PHLDB1: variants seen among roughly 807,000 people sequenced by gnomAD.
PHLDB1 encodes the protein pleckstrin homology like domain family B member 1, also known as pleckstrin homology-like domain family B member 1.
In PHLDB1, 65 loss-of-function variants were observed where a neutral mutation model predicts 139.3. The ratio of observed to expected loss-of-function variants is 0.47; its 90% CI spans 0.38 to 0.57. PHLDB1 has a LOEUF of 0.57. Ranked by LOEUF, PHLDB1 falls within the 20% of genes least tolerant of loss-of-function variation. The pLI is 0.00. For synonymous variants in PHLDB1, 679 were observed against 734.5 expected, an observed-to-expected ratio of 0.92 and a Z score of 1.22; for missense variants, 1,624 against 1,839.7, an observed-to-expected ratio of 0.88 and a Z score of 2.14.
chr11:118,623,060 T>C (rs1943130042), intron 4 of PHLDB1, among the ~76,000 whole-genome samples: 1 of 152,196 alleles, frequency 6.6e-6, no homozygotes, highest in Admixed American at 6.5e-5. Flanking sequence ...CTCCTGAGCT[T>C]CTCAGTAAGG....
Position 118,624,959 on chromosome 11 carries a change from C to T in PHLDB1, c.381C>T (p.Ser127=). The T allele has an allele frequency of 6.2e-7, 1 of 1,614,056 alleles. No individual in the cohort carries two copies. Among genetic ancestry groups the T allele is most frequent in the Non-Finnish European group, 8.5e-7 (1 of 1,179,976 alleles). The change falls in exon 5 of 23, where the codon TCC becomes TCT. Residue 127 remains serine (S), a synonymous_variant. Transcript: ENST00000600882. ...GCTGCATGTTGTGCCTGGGTCAGTC[C>T]ACCTTCCTTCGCTTTAACCACCCGG... The part of the protein sequence containing the change: ...TQGCMLCLGQ[S]TFLRFNHPAE...
intron 4 of PHLDB1, among the ~76,000 whole-genome samples, chr11:118,619,723 C>T (rs1942378914): frequency 6.6e-6 from 1 of 152,106 alleles, no homozygotes; most frequent in Admixed American, 6.5e-5. Flanking sequence ...CTTCCTTTTT[C>T]CTCAGAAGGG....
intron 10 of PHLDB1, chr11:118,637,498 C>G (rs1945840480): frequency 6.6e-6 from 1 of 152,152 alleles, no homozygotes; most frequent in Non-Finnish European, 1.5e-5. Context: ...CCCCCCCAAC[C>G]CCACACCTGG....
In PHLDB1 at chr11:118,628,627, C is replaced by T. The variant is rs782388138; in HGVS notation, c.1804C>T (p.Arg602Trp). The stretch of plus-strand genomic sequence containing the variant: ...CCGGCGACAGCGCCAAGAGCGGCTC[C>T]GGGAGCAGGAGATGGAGAGGCTGGT... The part of the protein sequence containing the change: ...YHRRQRQERL[R>W]EQEMERLERQ... Residue 602 changes from arginine (R) to tryptophan (W), a missense_variant, in exon 6 of 23, where the codon CGG becomes TGG. Arg to Trp is a moderately radical substitution (Grantham distance 101, BLOSUM62 -3). Transcript: ENST00000600882. 1.4e-4 allele frequency: 223 copies of T among 1,608,816 alleles called. No homozygotes were observed. Among genetic ancestry groups the T allele is most frequent in the Non-Finnish European group, 1.8e-4 (217 of 1,178,606 alleles).
At chr11:118,646,219 C>T (rs1947496594) in intron 17 of PHLDB1, 1 of 144,582 alleles carries the variant, frequency 6.9e-6, no homozygotes, top group African/African-American at 2.7e-5. Flanking sequence ...GAGATCGCAC[C>T]ACTGCACTCC....
chr11:118,644,441 C>T (rs965460820), intron 15 of PHLDB1: 12 of 507,094 alleles, frequency 2.4e-5, no homozygotes, highest in African/African-American at 9.7e-5. Context: ...TGACCTGAGT[C>T]GGGTTAGACA....
chr11:118,640,144 G>A, intron 12 of PHLDB1: 1 of 244,364 alleles, frequency 4.1e-6, no homozygotes, highest in Non-Finnish European at 6.6e-6. Context: ...TTGGGAGAGT[G>A]TGTGCGAGCA....
At chr11:118,614,757 T>G (rs1051594291) in intron 3 of PHLDB1, 75 bp downstream of exon 3, 50 of 1,487,018 alleles carry the variant, frequency 3.4e-5, no homozygotes, top group Non-Finnish European at 4.3e-5. Context: ...GCCCACCTCC[T>G]GCATGTGTTG....
In PHLDB1 at chr11:118,620,381, C is replaced by T. The variant is rs1348851271; in HGVS notation, c.355+4170C>T. The stretch of plus-strand genomic sequence containing the variant: ...TGGTGGCGCATGCCTGTAGTCCCAG[C>T]TATGGGAGGCTGAGGCAGGAGAATC... On this transcript the variant is annotated intron_variant, in intron 4 of 22. Transcript: ENST00000600882. The surrounding 1 kb of genome is among the most constrained non-coding windows in gnomAD (Gnocchi z 4.1). 6.6e-6 allele frequency among the ~76,000 whole-genome samples: 1 copy of T among 152,220 alleles called. No individual in the cohort carries two copies. The highest frequency in any genetic ancestry group is 1.5e-5 in the Non-Finnish European group (1 of 68,038).
chr11:118,650,504 G>GT lies in PHLDB1; in HGVS notation c.3834dup (p.Val1279CysfsTer17), dbSNP rs1948192579. 6.2e-7 allele frequency: 1 copy of GT among 1,614,040 alleles called. No homozygotes were observed. Among genetic ancestry groups the GT allele is most frequent in the Non-Finnish European group, 8.5e-7 (1 of 1,180,002 alleles). ...AGATTAAATCATGGAAGAAGCGCTG[G>GT]TTTGTCTTCGACCGGCTCAAGCGCA... On this transcript the variant is annotated frameshift_variant, in exon 20 of 23. Coordinates refer to ENST00000600882, the MANE Select transcript of PHLDB1 (RefSeq NM_001144758.3). LOFTEE classifies it high-confidence loss of function. This position sits in a 1 kb window ranked among gnomAD's most constrained non-coding sequence, Gnocchi z 4.7.
At position 118,610,456 on chromosome 11, in the gene PHLDB1, GGCCTGGCGGGCCTCTGGCCACA is replaced by G; in HGVS notation, c.-22+2761_-22+2782del. 1 of 985,452 alleles carries G rather than the reference GGCCTGGCGGGCCTCTGGCCACA, an allele frequency of 1.0e-6. No homozygotes were observed. 61.0% of individuals were successfully genotyped at this position (985,452 alleles called of 1,614,324 possible). On this transcript the variant is annotated intron_variant, in intron 1 of 22. Coordinates refer to ENST00000600882, the MANE Select transcript of PHLDB1 (RefSeq NM_001144758.3). This position sits in a 1 kb window ranked among gnomAD's most constrained non-coding sequence, Gnocchi z 8.7. ...GCGGCGGCCGAGAGGACCCCAGCTC[GGCCTGGCGGGCCTCTGGCCACA>G]GCCATGCACCGCTTGGGCCGAGGCC...
chr11:118,644,528 A>G, intron 15 of PHLDB1: 1 of 527,982 alleles, frequency 1.9e-6, no homozygotes, highest in South Asian at 1.9e-5. Context: ...CTGGGGACCC[A>G]GGAGTCCTTG....
At position 118,650,729 on chromosome 11, in the gene PHLDB1, C is replaced by T. The variant is rs934078274; in HGVS notation, c.3874+182C>T. 2 of 596,126 alleles carry T rather than the reference C, an allele frequency of 3.4e-6. No individual in the cohort carries two copies. Among genetic ancestry groups the T allele is most frequent in the Non-Finnish European group, 6.0e-6 (2 of 333,892 alleles). The allele number at this position is 596,126 out of a possible 1,614,324, so 36.9% of individuals were successfully genotyped here. On this transcript the variant is annotated intron_variant, in intron 20 of 22. Transcript: ENST00000600882. The surrounding 1 kb of genome is among the most constrained non-coding windows in gnomAD (Gnocchi z 4.7). ...CCTGGTTCACCTCCATTTTTGTGTT[C>T]ATTCATTCATTCCTTCATTCAGCAA...
chr11:118,653,085 T>C (rs1320728004), intron 20 of PHLDB1: 2 of 152,588 alleles, frequency 1.3e-5, no homozygotes, highest in African/African-American at 2.4e-5. Flanking sequence ...GGAGCCAGAC[T>C]GCACAAGATT....
chr11:118,645,163 G>T lies in PHLDB1; in HGVS notation c.3122-193G>T. On this transcript the variant is annotated intron_variant, in intron 15 of 22. Transcript: ENST00000600882. This position sits in a 1 kb window ranked among gnomAD's most constrained non-coding sequence, Gnocchi z 5.1. ...CCAGACTGTGCATCTGTGGCCGGTT[G>T]TGCAGGCGACTGAAGCATTGGCAGA... 2.0e-6 allele frequency: 1 copy of T among 506,704 alleles called. No individual in the cohort carries two copies. Among genetic ancestry groups the T allele is most frequent in the Non-Finnish European group, 3.4e-6 (1 of 290,910 alleles). 31.4% of individuals were successfully genotyped at this position (506,704 alleles called of 1,614,324 possible).
chr11:118,648,227 G>T, intron 18 of PHLDB1, 151 bp downstream of exon 18: 1 of 765,144 alleles, frequency 1.3e-6, no homozygotes. Context: ...ATTCTACCTG[G>T]GACTCATTGA....
intron 9 of PHLDB1, chr11:118,635,089 C>T: frequency 1.9e-6 from 1 of 536,288 alleles, no homozygotes; most frequent in South Asian, 1.8e-5. Flanking sequence ...GCCCCGCGGG[C>T]CACGCCCCAG....
chr11:118,648,137 G>A, intron 18 of PHLDB1, 61 bp downstream of exon 18: 1 of 1,509,418 alleles, frequency 6.6e-7, no homozygotes, highest in Non-Finnish European at 9.1e-7. Flanking sequence ...AGAGAAGTGG[G>A]GAGATCCCAG....
chr11:118,651,896 C>T (rs1205359017), intron 20 of PHLDB1: 2 of 152,164 alleles, frequency 1.3e-5, no homozygotes, highest in Non-Finnish European at 2.9e-5. Flanking sequence ...TGTGCATCAG[C>T]GTTGTCTTTG....
Sources: allele counts gnomAD v4.1 joint callset (sites outside exome capture counted in the v4.1 genomes callset), GRCh38; gene constraint gnomAD v4.1.1; non-coding constraint Gnocchi (gnomAD v3.1); transcripts MANE v1.5; gene names NCBI Gene and HGNC (gene_info 2026-07-23, HGNC 2026-07-21).